The following CD209 variants were observed in gnomAD, a reference collection of about 807,000 sequenced individuals.
CD209 encodes CD209 antigen.
Under a neutral mutation model 44.7 loss-of-function variants are expected in CD209, and 31 were observed. The ratio of observed to expected loss-of-function variants is 0.69; its 90% CI spans 0.52 to 0.94. The LOEUF (loss-of-function observed/expected upper bound fraction) is 0.94, where lower values mean the gene tolerates loss of function less well. Among genes scored for constraint, CD209 ranks in the 40% least tolerant of loss-of-function variants. The pLI, the probability that CD209 is intolerant of heterozygous loss-of-function variation, is 0.00. For missense variants in CD209, 407 were observed against 452.4 expected (o/e 0.90, Z 0.91); for synonymous variants, 173 against 181.3 (o/e 0.95, Z 0.37).
rs2033640386 is a variant in CD209, at chr19:7,742,260, A to C, written c.*779T>G. On this transcript the variant is annotated 3_prime_UTR_variant, in exon 7 of 7. Transcript: ENST00000315599. ...CATCTGAGGTCGGGAGTTCAAGACC[A>C]GCCTGACCAACACGGAGAAACCCCA... 1.3e-5 allele frequency: 2 copies of C among 153,774 alleles called. No individual in the cohort carries two copies. The allele number at this position is 153,774 out of a possible 1,614,324, so 9.5% of individuals were successfully genotyped here.
At position 7,740,392 on chromosome 19, in the gene CD209, C is replaced by T. The variant is rs11465422; in HGVS notation, c.*2647G>A. On this transcript the variant is annotated 3_prime_UTR_variant, in exon 7 of 7. Transcript: ENST00000315599. ...GTTGAACCAGATTGGGCTGAATCTG[C>T]GGTTACAATGTTTACCAGTTTATTA... 0.062 allele frequency: 35,995 copies of T among 583,556 alleles called. 1,387 individuals are homozygous for T. Among genetic ancestry groups the T allele is most frequent in the Non-Finnish European group, 0.076 (24,229 of 318,336 alleles). The allele number at this position is 583,556 out of a possible 1,614,324, so 36.1% of individuals were successfully genotyped here.
Position 7,741,544 on chromosome 19 carries a change from T to C in CD209, c.*1495A>G, listed in dbSNP as rs1599468699. 4 of 622,478 alleles carry C rather than the reference T, an allele frequency of 6.4e-6. No individual in the cohort carries two copies. In the East Asian group the frequency reaches 1.6e-4, roughly 25 times the overall value. 38.6% of individuals were successfully genotyped at this position (622,478 alleles called of 1,614,324 possible). On this transcript the variant is annotated 3_prime_UTR_variant, in exon 7 of 7. Coordinates refer to ENST00000315599, the MANE Select transcript of CD209 (RefSeq NM_021155.4). Reference sequence around the variant, plus strand: ...GTGGGGAGAGTGATTCAGTTCAAGGTCAGTTGCAACTTGGAACCTCACCTG... The same window carrying C: ...GTGGGGAGAGTGATTCAGTTCAAGGCCAGTTGCAACTTGGAACCTCACCTG...
chr19:7,747,082 T>C (rs1409879280), intron 2 of CD209, among the ~76,000 whole-genome samples: 1 of 140,178 alleles, frequency 7.1e-6, no homozygotes, highest in Non-Finnish European at 1.5e-5. Context: ...AACCCAGGCT[T>C]CAACTTCTAC....
At position 7,740,739 on chromosome 19, in the gene CD209, C is replaced by T. The variant is rs115539852; in HGVS notation, c.*2300G>A. 9.1e-6 allele frequency: 7 copies of T among 765,862 alleles called. No homozygotes were observed. The African/African-American group carries it at 1.0e-4, about 11-fold the overall frequency. The allele number at this position is 765,862 out of a possible 1,614,324, so 47.4% of individuals were successfully genotyped here. A position where few individuals can be genotyped will look rare whatever the true frequency, so the allele number is the denominator to read the frequency against. The stretch of plus-strand genomic sequence containing the variant: ...GGAAAAGGAAGAGGTGGCTAGAAAA[C>T]GGCAAGAACAAGAGCGAAAGTTAAA... On this transcript the variant is annotated 3_prime_UTR_variant, in exon 7 of 7. Coordinates refer to ENST00000315599, the MANE Select transcript of CD209 (RefSeq NM_021155.4).
Position 7,741,662 on chromosome 19 carries a change from C to T in CD209, c.*1377G>A. The T allele has an allele frequency of 9.2e-6, 8 of 865,826 alleles. No homozygotes were observed. In the South Asian group the frequency reaches 1.0e-4, roughly 11 times the overall value. 53.6% of individuals were successfully genotyped at this position (865,826 alleles called of 1,614,324 possible). A position where few individuals can be genotyped will look rare whatever the true frequency, so the allele number is the denominator to read the frequency against. On this transcript the variant is annotated 3_prime_UTR_variant, in exon 7 of 7. Coordinates refer to ENST00000315599, the MANE Select transcript of CD209 (RefSeq NM_021155.4). ...GGACGATGGTATGTACGCAGGACGA[C>T]AGCTTCAGTGTGAATTCTGCCCAGT...
Position 7,742,869 on chromosome 19 carries a change from G to A in CD209, c.*170C>T. ...CTCACTCATAAAGCTCCAAGGATGG[G>A]CCAGAAAAACAAGCTCTACACCAGG... On this transcript the variant is annotated 3_prime_UTR_variant, in exon 7 of 7. Transcript: ENST00000315599. The A allele has an allele frequency of 1.6e-6, 1 of 624,042 alleles. No individual in the cohort carries two copies. Among genetic ancestry groups the A allele is most frequent in the Non-Finnish European group, 2.8e-6 (1 of 356,380 alleles). The allele number at this position is 624,042 out of a possible 1,614,324, so 38.7% of individuals were successfully genotyped here.
rs149776499 is a variant in CD209, at chr19:7,745,090, G to A, written c.751C>T (p.Arg251Cys). Reference sequence around the variant, plus strand: ...TCCCAGGGACAGGGGTGGCACAGGCGTTCTGTTGGGGGAGGCTGGTCAGGG... The same window carrying A: ...TCCCAGGGACAGGGGTGGCACAGGCATTCTGTTGGGGGAGGCTGGTCAGGG... ...ELTQLKAAVE[R>C]LCHPCPWEWT... is the part of the protein sequence containing the mutation. The change falls in exon 5 of 7, where the codon CGC becomes TGC. Residue 251 changes from arginine (R) to cysteine (C), a missense_variant and splice_region_variant. Arg to Cys is a radical substitution (Grantham distance 180, BLOSUM62 -3). Transcript: ENST00000315599. The A allele has an allele frequency of 4.8e-5, 78 of 1,614,070 alleles. 1 individual carries two copies. The highest frequency in any genetic ancestry group is 2.8e-4 in the Admixed American group (17 of 60,006).
rs148485547 is a variant in CD209 at position 7,744,122 on chromosome 19, G to T, written c.998C>A (p.Ser333Ter). 2.8e-5 allele frequency: 45 copies of T among 1,613,522 alleles called. No individual in the cohort carries two copies. Among genetic ancestry groups the T allele is most frequent in the Non-Finnish European group, 3.6e-5 (42 of 1,179,544 alleles). Reference sequence around the variant, plus strand: ...TGAGATCTACCTGGGCAACAGAGGTGAGCCGTCCACCCATTGCCACGTGCC... The same window carrying T: ...TGAGATCTACCTGGGCAACAGAGGTTAGCCGTCCACCCATTGCCACGTGCC... ...QEGTWQWVDG[S>*]PLLPSFKQYW... Residue 333 changes from serine to a stop codon, truncating the protein, a stop_gained, in exon 6 of 7, where the codon TCA (serine) becomes TAA (stop). Coordinates refer to ENST00000315599, the MANE Select transcript of CD209 (RefSeq NM_021155.4). LOFTEE classifies it low-confidence loss of function (END_TRUNC).
At position 7,740,893 on chromosome 19, in the gene CD209, C is replaced by T. The variant is rs1210268789; in HGVS notation, c.*2146G>A. 5.4e-6 allele frequency: 4 copies of T among 735,974 alleles called. No individual in the cohort carries two copies. Among genetic ancestry groups the T allele is most frequent in the Non-Finnish European group, 1.0e-5 (4 of 401,388 alleles). 45.6% of individuals were successfully genotyped at this position (735,974 alleles called of 1,614,324 possible). On this transcript the variant is annotated 3_prime_UTR_variant, in exon 7 of 7. Coordinates refer to ENST00000315599, the MANE Select transcript of CD209 (RefSeq NM_021155.4). ...GAAAATGAGTTGGAAAATGGCGCCACATGGCAAAACCCGGAACCCCCCCTT... is the reference window on the plus strand; with the variant it reads ...GAAAATGAGTTGGAAAATGGCGCCATATGGCAAAACCCGGAACCCCCCCTT...
intron 2 of CD209, 42 bp from the exon 3 acceptor site, chr19:7,746,573 G>T (rs199740591): frequency 3.1e-6 from 5 of 1,599,344 alleles, no homozygotes; most frequent in African/African-American, 2.7e-5. Flanking sequence ...TGTCCCCACC[G>T]GAGCCTGGCC....
chr19:7,746,638 C>A, intron 2 of CD209, 107 bp from the exon 3 acceptor site: 1 of 1,075,436 alleles, frequency 9.3e-7, no homozygotes, highest in Non-Finnish European at 1.4e-6. Flanking sequence ...AACCCCAGCC[C>A]CAGCCCCCTC....
intron 5 of CD209, among the ~76,000 whole-genome samples, 169 bp downstream of exon 5, chr19:7,744,772 G>A (rs2033742780): frequency 6.6e-6 from 1 of 152,180 alleles, no homozygotes; most frequent in South Asian, 2.1e-4. Flanking sequence ...TTCAGATTTG[G>A]TTTGTATCTG....
At position 7,740,955 on chromosome 19, in the gene CD209, TC is replaced by T. The variant is rs1366059934; in HGVS notation, c.*2083del. ...TCATGGAGAAGGATGGAGTTAATTG[TC>T]CCTTCTACAGTAAAACAGGAGCTTG... On this transcript the variant is annotated 3_prime_UTR_variant, in exon 7 of 7. Coordinates refer to ENST00000315599, the MANE Select transcript of CD209 (RefSeq NM_021155.4). 11 of 713,650 alleles carry T rather than the reference TC, an allele frequency of 1.5e-5. No homozygotes were observed. The highest frequency in any genetic ancestry group is 2.1e-5 in the Admixed American group (1 of 46,874). The allele number at this position is 713,650 out of a possible 1,614,324, so 44.2% of individuals were successfully genotyped here.
At chr19:7,744,243 G>A in intron 5 of CD209, 24 bp from the exon 6 acceptor site, 1 of 1,554,858 alleles carries the variant, frequency 6.4e-7, no homozygotes, top group Non-Finnish European at 8.9e-7. Context: ...GAGGAGTCAG[G>A]AGGGAGCTCT....
At position 7,742,924 on chromosome 19, in the gene CD209, A is replaced by C; in HGVS notation, c.*115T>G. The C allele has an allele frequency of 1.1e-6, 1 of 878,744 alleles. No homozygotes were observed. The highest frequency in any genetic ancestry group is 1.8e-6 in the Non-Finnish European group (1 of 545,234). 54.4% of individuals were successfully genotyped at this position (878,744 alleles called of 1,614,324 possible). On this transcript the variant is annotated 3_prime_UTR_variant, in exon 7 of 7. Coordinates refer to ENST00000315599, the MANE Select transcript of CD209 (RefSeq NM_021155.4). The stretch of plus-strand genomic sequence containing the variant: ...ATTGGAGGCATGACAAGAAGGACAG[A>C]ATGGGACCCAGCCTTCTAAAGGAGG...
chr19:7,744,354 G>A (rs888667587), intron 5 of CD209, 135 bp from the exon 6 acceptor site: 23 of 655,704 alleles, frequency 3.5e-5, no homozygotes, highest in Non-Finnish European at 5.4e-5. Context: ...GAGCCCCCTC[G>A]TGTCTGAGTC....
Position 7,745,099 on chromosome 19 carries a change from G to C in CD209, c.749-7C>G. 1 of 1,614,192 alleles carries C rather than the reference G, an allele frequency of 6.2e-7. No homozygotes were observed. Among genetic ancestry groups the C allele is most frequent in the Non-Finnish European group, 8.5e-7 (1 of 1,180,022 alleles). ...CAGGGGTGGCACAGGCGTTCTGTTG[G>C]GGGAGGCTGGTCAGGGCTGGGCTTA... On this transcript the variant is annotated splice_region_variant and splice_polypyrimidine_tract_variant and intron_variant, in intron 4 of 6. Transcript: ENST00000315599.
Position 7,742,048 on chromosome 19 carries a change from T to C in CD209, c.*991A>G. ...GCCGCAGTGAGAACGGCCGGAGCCGTCACAGCCGGAGCCAAAGCTCCTCTA... is the reference window on the plus strand; with the variant it reads ...GCCGCAGTGAGAACGGCCGGAGCCGCCACAGCCGGAGCCAAAGCTCCTCTA... On this transcript the variant is annotated 3_prime_UTR_variant, in exon 7 of 7. Coordinates refer to ENST00000315599, the MANE Select transcript of CD209 (RefSeq NM_021155.4). The C allele has an allele frequency of 3.4e-6, 1 of 291,110 alleles. No homozygotes were observed. The highest frequency in any genetic ancestry group is 4.1e-5 in the South Asian group (1 of 24,638). 18.0% of individuals were successfully genotyped at this position (291,110 alleles called of 1,614,324 possible). A position where few individuals can be genotyped will look rare whatever the true frequency, so the allele number is the denominator to read the frequency against.
At position 7,744,943 on chromosome 19, in the gene CD209, G is replaced by T; in HGVS notation, c.898C>A (p.Gln300Lys). The T allele has an allele frequency of 6.2e-7, 1 of 1,614,148 alleles. No homozygotes were observed. The highest frequency in any genetic ancestry group is 1.7e-5 in the Admixed American group (1 of 60,028). ...QLVVIKSAEE[Q>K]NFLQLQSSRS... ...ACGGGGACCCCCACCAGGTGTACCT[G>T]CTCCTCAGCACTTTTGATTACGACG... Residue 300 changes from glutamine (Q) to lysine (K), a missense_variant and splice_region_variant, in exon 5 of 7, where the codon CAG becomes AAG. Physicochemically the swap from Gln to Lys is moderately conservative, Grantham distance 53. Around this residue, in one of 3 missense-constraint regions of CD209, gnomAD observed 200 missense variants for 202.2 expected, o/e 0.99. Transcript: ENST00000315599.
Sources: allele counts gnomAD v4.1 joint callset (sites outside exome capture counted in the v4.1 genomes callset), GRCh38; gene constraint gnomAD v4.1.1; regional missense constraint gnomAD v4.1.1; transcripts MANE v1.5; gene names NCBI Gene and HGNC (gene_info 2026-07-23, HGNC 2026-07-21).